PDZRN4: variants seen among roughly 807,000 people sequenced by gnomAD.
The protein encoded by PDZRN4 is PDZ domain-containing RING finger protein 4.
Under a neutral mutation model 99.0 loss-of-function variants are expected in PDZRN4, and 70 were observed. That is an observed-to-expected ratio of 0.71 (90% CI 0.58 to 0.86). The LOEUF (loss-of-function observed/expected upper bound fraction) is 0.86. Ranked by LOEUF, PDZRN4 falls within the 40% of genes least tolerant of loss-of-function variation. The pLI is 0.00. For missense variants in PDZRN4, 1,474 were observed against 1,331.2 expected (o/e 1.11, Z -1.67); for synonymous variants, 551 against 501.6 (o/e 1.10, Z -1.32).
intron 3 of PDZRN4, among the ~76,000 whole-genome samples, chr12:41,359,972 G>A (rs968980680): frequency 6.6e-6 from 1 of 151,794 alleles, no homozygotes; most frequent in Non-Finnish European, 1.5e-5. Context: ...TTCCATCGGG[G>A]GATAATCAAC....
intron 3 of PDZRN4, among the ~76,000 whole-genome samples, chr12:41,272,813 G>A (rs971197266): frequency 2.1e-4 from 32 of 151,882 alleles, no homozygotes; most frequent in African/African-American, 7.0e-4. Flanking sequence ...CCCCTTTGTG[G>A]CATCGAATTG....
chr12:41,354,367 A>G (rs922361672), intron 3 of PDZRN4, among the ~76,000 whole-genome samples: 1 of 152,030 alleles, frequency 6.6e-6, no homozygotes, highest in Non-Finnish European at 1.5e-5. Flanking sequence ...TATTTGCATC[A>G]GAGGGAAGGA....
At chr12:41,296,904 G>A (rs946700957) in intron 3 of PDZRN4, among the ~76,000 whole-genome samples, 8 of 152,110 alleles carry the variant, frequency 5.3e-5, no homozygotes, top group Non-Finnish European at 1.2e-4. Flanking sequence ...ACTGCAGTGA[G>A]CCATGATCAT....
intron 3 of PDZRN4, among the ~76,000 whole-genome samples, chr12:41,503,464 C>T (rs1265109793): frequency 6.6e-6 from 1 of 152,066 alleles, no homozygotes; most frequent in African/African-American, 2.4e-5. Flanking sequence ...ATATTGTTTG[C>T]ACATACTAAG....
intron 3 of PDZRN4, among the ~76,000 whole-genome samples, chr12:41,347,391 A>T (rs772994009): frequency 6.6e-6 from 1 of 152,122 alleles, no homozygotes. Context: ...TTTGCTAATG[A>T]CTAATGACAC....
At chr12:41,294,084 T>G (rs971602998) in intron 3 of PDZRN4, among the ~76,000 whole-genome samples, 2 of 152,190 alleles carry the variant, frequency 1.3e-5, no homozygotes, top group Admixed American at 6.5e-5. Flanking sequence ...CTTTTTTTCC[T>G]CTATAGTTTG....
intron 3 of PDZRN4, among the ~76,000 whole-genome samples, chr12:41,471,565 A>G (rs192663116): frequency 2.0e-5 from 3 of 149,788 alleles, no homozygotes; most frequent in Non-Finnish European, 3.0e-5. Flanking sequence ...ATAAATAGTA[A>G]TTATTTATTC....
chr12:41,283,471 G>A (rs976566095), intron 3 of PDZRN4, among the ~76,000 whole-genome samples: 2 of 152,080 alleles, frequency 1.3e-5, no homozygotes, highest in African/African-American at 4.8e-5. Context: ...AAACTATTCT[G>A]AACAACAGAA....
chr12:41,490,698 CA>C (rs1207729844), intron 3 of PDZRN4, among the ~76,000 whole-genome samples: 8 of 152,100 alleles, frequency 5.3e-5, no homozygotes, highest in African/African-American at 1.9e-4. Flanking sequence ...GGTTGCTCTT[CA>C]ACATCCTTCG....
intron 3 of PDZRN4, among the ~76,000 whole-genome samples, chr12:41,394,264 T>A (rs187754261): frequency 3.9e-5 from 6 of 152,192 alleles, no homozygotes; most frequent in Admixed American, 1.3e-4. Context: ...TCCCATCCAA[T>A]CTCAATGGGG....
At chr12:41,254,754 C>G (rs1161068241) in intron 3 of PDZRN4, among the ~76,000 whole-genome samples, 1 of 152,152 alleles carries the variant, frequency 6.6e-6, no homozygotes, top group East Asian at 1.9e-4. Flanking sequence ...GGCAGCCATG[C>G]CCTTGGAAGT....
intron 3 of PDZRN4, among the ~76,000 whole-genome samples, chr12:41,350,555 A>G (rs916435163): frequency 1.3e-5 from 2 of 152,168 alleles, no homozygotes; most frequent in Non-Finnish European, 2.9e-5. Flanking sequence ...GACAAAAATT[A>G]TAGGAACAAA....
Position 41,552,790 on chromosome 12 carries a change from A to T in PDZRN4, c.1302+36A>T, listed in dbSNP as rs777248935. 3 of 1,482,078 alleles carry T rather than the reference A, an allele frequency of 2.0e-6. No homozygotes were observed. The East Asian group carries it at 6.8e-5, about 34-fold the overall frequency. 91.8% of individuals were successfully genotyped at this position (1,482,078 alleles called of 1,614,324 possible). On this transcript the variant is annotated intron_variant, in intron 6 of 9. Coordinates refer to ENST00000402685, the MANE Select transcript of PDZRN4 (RefSeq NM_001164595.2). ...CCATGGAGGGGAAATTCGAGGAGGG[A>T]GACTAGGAAGAACAGAGCGAAATGA... is the stretch of plus-strand genomic sequence containing the variant.
chr12:41,348,944 A>G (rs1951873274), intron 3 of PDZRN4, among the ~76,000 whole-genome samples: 1 of 152,036 alleles, frequency 6.6e-6, no homozygotes, highest in Non-Finnish European at 1.5e-5. Context: ...CTATGTACGT[A>G]TATGAATCTA....
chr12:41,339,657 G>A (rs1388092406), intron 3 of PDZRN4, among the ~76,000 whole-genome samples: 1 of 151,638 alleles, frequency 6.6e-6, no homozygotes, highest in Non-Finnish European at 1.5e-5. Flanking sequence ...ATAGAATGGG[G>A]GTCATGAACT....
chr12:41,381,809 TA>T (rs1339650591), intron 3 of PDZRN4, among the ~76,000 whole-genome samples: 1 of 152,186 alleles, frequency 6.6e-6, no homozygotes, highest in Non-Finnish European at 1.5e-5. Flanking sequence ...CCTGCATTGG[TA>T]TGCGTACATT....
At chr12:41,549,309 T>A (rs1415711147) in intron 5 of PDZRN4, among the ~76,000 whole-genome samples, 1 of 152,204 alleles carries the variant, frequency 6.6e-6, no homozygotes, top group Non-Finnish European at 1.5e-5. Flanking sequence ...GGCTTGTGTG[T>A]CCTGTGAAGG....
Position 41,289,233 on chromosome 12 carries a change from A to G in PDZRN4, c.843+95045A>G, listed in dbSNP as rs1951440842. On this transcript the variant is annotated intron_variant, in intron 3 of 9. Coordinates refer to ENST00000402685, the MANE Select transcript of PDZRN4 (RefSeq NM_001164595.2). ...CTCATCCACGAACAGTTAAGAAAAC[A>G]GTGATTTGATGCATCCACACAGTAC... Among the ~76,000 whole-genome samples, 4 of 152,188 alleles carry G rather than the reference A, an allele frequency of 2.6e-5. No individual in the cohort carries two copies. The South Asian group carries it at 6.2e-4, about 24-fold the overall frequency.
At chr12:41,402,177 G>GTATA (rs1190039757) in intron 3 of PDZRN4, among the ~76,000 whole-genome samples, 1 of 56,560 alleles carries the variant, frequency 1.8e-5, no homozygotes, top group African/African-American at 1.4e-4. Context: ...TACACACTGA[G>GTATA]TATATATATA....
Sources: gnomAD v4.1 joint callset for allele counts (sites outside exome capture counted in the v4.1 genomes callset) on GRCh38, gnomAD v4.1.1 for gene constraint, MANE v1.5 for transcripts, NCBI Gene and HGNC (gene_info 2026-07-23, HGNC 2026-07-21) for gene names.